Variants in VEZF1 observed in about 807,000 individuals in gnomAD.
The protein encoded by VEZF1 is vascular endothelial zinc finger 1.
In VEZF1, 5 loss-of-function variants were observed where a neutral mutation model predicts 44.1. The ratio of observed to expected loss-of-function variants is 0.11; its 90% CI spans 0.06 to 0.24. VEZF1 has a LOEUF of 0.24. VEZF1 is among the 10% of genes least tolerant of loss of function. VEZF1 has a pLI of 1.00. For missense variants in VEZF1, 358 were observed against 641.8 expected (o/e 0.56, Z 4.78); for synonymous variants, 236 against 233.1 (o/e 1.01, Z -0.11).
intron 5 of VEZF1, among the ~76,000 whole-genome samples, chr17:57,977,546 G>T (rs1180694238): frequency 6.6e-6 from 1 of 152,144 alleles, no homozygotes; most frequent in African/African-American, 2.4e-5. Context: ...GCCAGTAAAT[G>T]TATGAAAAAG....
At chr17:57,984,569 T>C (rs2075278747) in intron 1 of VEZF1, among the ~76,000 whole-genome samples, 1 of 152,200 alleles carries the variant, frequency 6.6e-6, no homozygotes. Context: ...AAGCATACAA[T>C]GTCCTACTAG....
intron 4 of VEZF1, 116 bp downstream of exon 4, chr17:57,980,487 G>A (rs1005820469): frequency 2.6e-5 from 26 of 987,470 alleles, no homozygotes; most frequent in Non-Finnish European, 3.8e-5. Context: ...GTTTGCACAT[G>A]TTGGCAATAG....
At chr17:57,986,553 T>C (rs749039881) in intron 1 of VEZF1, among the ~76,000 whole-genome samples, 2 of 152,210 alleles carry the variant, frequency 1.3e-5, no homozygotes, top group African/African-American at 2.4e-5. Flanking sequence ...AAAACAACAC[T>C]GATCAGAATG....
intron 1 of VEZF1, chr17:57,986,290 T>G (rs945326734): frequency 1.3e-5 from 2 of 152,266 alleles, no homozygotes; most frequent in Non-Finnish European, 2.9e-5. Flanking sequence ...TTATGGGTTT[T>G]TCCTTTACAT....
chr17:57,986,782 T>A (rs1011415167), intron 1 of VEZF1, among the ~76,000 whole-genome samples: 6 of 152,248 alleles, frequency 3.9e-5, no homozygotes, highest in African/African-American at 1.4e-4. Context: ...AATAATTTTT[T>A]GAAAATTCTG....
At chr17:57,985,190 G>A in intron 1 of VEZF1, 2 of 1,040,450 alleles carry the variant, frequency 1.9e-6, no homozygotes, top group Non-Finnish European at 2.5e-6. Context: ...CAGACTTATA[G>A]CATTTAGAGG....
At chr17:57,978,187 A>C (rs2075210803) in intron 5 of VEZF1, among the ~76,000 whole-genome samples, 1 of 151,688 alleles carries the variant, frequency 6.6e-6, no homozygotes, top group East Asian at 1.9e-4. Context: ...TGAGCAACAG[A>C]GCGAGAGACT....
intron 1 of VEZF1, 131 bp from the exon 2 acceptor site, chr17:57,983,524 G>GCAAC: frequency 1.3e-6 from 1 of 753,978 alleles, no homozygotes; most frequent in South Asian, 1.9e-5. Flanking sequence ...TGGTAATCCA[G>GCAAC]CAACCACCTA....
In VEZF1 at chr17:57,971,909, A is replaced by G. The variant is rs1384951425; in HGVS notation, c.*2564T>C. Reference sequence around the variant, plus strand: ...CAACACCTGGTTGAATCAGTTCATCAACATCGAAACTCAATTCCAGTTCCA... The same window carrying G: ...CAACACCTGGTTGAATCAGTTCATCGACATCGAAACTCAATTCCAGTTCCA... On this transcript the variant is annotated 3_prime_UTR_variant, in exon 6 of 6. Transcript: ENST00000581208. The G allele has an allele frequency of 2.6e-5, 4 of 152,612 alleles. No homozygotes were observed. Among genetic ancestry groups the G allele is most frequent in the Non-Finnish European group, 4.4e-5 (3 of 68,032 alleles). The allele number at this position is 152,612 out of a possible 1,614,324, so 9.5% of individuals were successfully genotyped here.
chr17:57,978,580 G>C (rs2075215024), intron 5 of VEZF1, among the ~76,000 whole-genome samples: 1 of 152,124 alleles, frequency 6.6e-6, no homozygotes, highest in Non-Finnish European at 1.5e-5. Flanking sequence ...TTACAGTAAA[G>C]TCCTCAGCAG....
chr17:57,980,537 A>G, intron 4 of VEZF1, 66 bp downstream of exon 4: 4 of 1,473,150 alleles, frequency 2.7e-6, no homozygotes, highest in Non-Finnish European at 3.8e-6. Flanking sequence ...CTTTGATACA[A>G]TATGAAAACA....
In VEZF1 at chr17:57,988,170, C is replaced by A. The variant is rs1209980682; in HGVS notation, c.-59G>T. 4.3e-6 allele frequency: 2 copies of A among 465,176 alleles called. No homozygotes were observed. The highest frequency in any genetic ancestry group is 7.2e-5 in the East Asian group (1 of 13,946). 28.8% of individuals were successfully genotyped at this position (465,176 alleles called of 1,614,324 possible). A position where few individuals can be genotyped will look rare whatever the true frequency, so the allele number is the denominator to read the frequency against. On this transcript the variant is annotated 5_prime_UTR_variant, in exon 1 of 6. Coordinates refer to ENST00000581208, the MANE Select transcript of VEZF1 (RefSeq NM_007146.3). The stretch of plus-strand genomic sequence containing the variant: ...CCCCCGCTCGGGGAGCCTCCTCAGC[C>A]GGAGGAGGCGACAACAAAGCGGCGG...
At position 57,987,822 on chromosome 17, in the gene VEZF1, T is replaced by A. The variant is rs549926379; in HGVS notation, c.33+257A>T. On this transcript the variant is annotated intron_variant, in intron 1 of 5. Coordinates refer to ENST00000581208, the MANE Select transcript of VEZF1 (RefSeq NM_007146.3). Reference sequence around the variant, plus strand: ...AGAGGGAAGGGTGTGTGTGAGTGTGTGTGTGTGCGTGTGTGTGCTGGGGGG... The same window carrying A: ...AGAGGGAAGGGTGTGTGTGAGTGTGAGTGTGTGCGTGTGTGTGCTGGGGGG... Among the ~76,000 whole-genome samples the A allele has an allele frequency of 1.6e-3, 239 of 151,706 alleles. 2 individuals carry two copies. Among genetic ancestry groups the A allele is most frequent in the Non-Finnish European group, 3.1e-4 (21 of 67,802 alleles).
chr17:57,975,563 T>C (rs1267145202), intron 5 of VEZF1, among the ~76,000 whole-genome samples: 2 of 152,242 alleles, frequency 1.3e-5, no homozygotes, highest in African/African-American at 4.8e-5. Context: ...AATCTTATTC[T>C]TTCTGGTTAT....
rs146674357 is a variant in VEZF1 at position 57,983,951 on chromosome 17, A to G, written c.34-558T>C. ...CTCTAAATACATTTGCTAGTCGTTA[A>G]CGTTAAGTTTTCACTTGACTCTACT... On this transcript the variant is annotated intron_variant, in intron 1 of 5. Transcript: ENST00000581208. 5.8e-3 allele frequency among the ~76,000 whole-genome samples: 888 copies of G among 152,336 alleles called. 9 individuals are homozygous for G. Among genetic ancestry groups the G allele is most frequent in the South Asian group, 0.03 (145 of 4,828 alleles).
intron 1 of VEZF1, among the ~76,000 whole-genome samples, chr17:57,984,427 A>G (rs1316180067): frequency 6.6e-6 from 1 of 152,188 alleles, no homozygotes; most frequent in Non-Finnish European, 1.5e-5. Context: ...AAATTCCTGA[A>G]ATAGTTCTTC....
chr17:57,983,444 C>G (rs191446166), intron 1 of VEZF1, 51 bp from the exon 2 acceptor site: 2 of 1,459,616 alleles, frequency 1.4e-6, no homozygotes, highest in Non-Finnish European at 1.8e-6. Context: ...CAATGGCCTT[C>G]GAAATTCAAC....
chr17:57,984,955 T>G (rs1364190787), intron 1 of VEZF1, among the ~76,000 whole-genome samples: 2 of 152,244 alleles, frequency 1.3e-5, no homozygotes, highest in Admixed American at 1.3e-4. Flanking sequence ...GCTTTTAATC[T>G]AATTTGTGAA....
At position 57,982,818 on chromosome 17, in the gene VEZF1, C is replaced by T; in HGVS notation, c.609G>A (p.Glu203=). The stretch of plus-strand genomic sequence containing the variant: ...TGAAGCGCTGATTACAAATAGGACA[C>T]TCAAAGGGTTTCTCATCTGAATGGG... ...KLSHSDEKPF[E]CPICNQRFKR... Residue 203 remains glutamate (E), a synonymous_variant, in exon 2 of 6, where the codon GAG becomes GAA. Coordinates refer to ENST00000581208, the MANE Select transcript of VEZF1 (RefSeq NM_007146.3). 6.2e-7 allele frequency: 1 copy of T among 1,614,184 alleles called. No individual in the cohort carries two copies. The highest frequency in any genetic ancestry group is 1.1e-5 in the South Asian group (1 of 91,086).
Sources: gnomAD v4.1 joint callset for allele counts (sites outside exome capture counted in the v4.1 genomes callset) on GRCh38, gnomAD v4.1.1 for gene constraint, MANE v1.5 for transcripts, NCBI Gene and HGNC (gene_info 2026-07-23, HGNC 2026-07-21) for gene names.